Variants in ARHGAP18 observed in about 807,000 individuals in gnomAD.
ARHGAP18 encodes Rho GTPase activating protein 18.
A neutral mutation model predicts 86.2 loss-of-function variants in ARHGAP18; 67 were observed. That is an observed-to-expected ratio of 0.78 (90% CI 0.64 to 0.95). The LOEUF is 0.95. Among genes scored for constraint, ARHGAP18 ranks in the 40% least tolerant of loss-of-function variants. The pLI is 0.00. For missense variants in ARHGAP18, 691 were observed against 780.4 expected (o/e 0.89, Z 1.37); for synonymous variants, 283 against 280.4 (o/e 1.01, Z -0.09).
chr6:129,638,431 C>G lies in ARHGAP18; in HGVS notation c.515G>C (p.Arg172Thr). 2 of 1,614,172 alleles carry G rather than the reference C, an allele frequency of 1.2e-6. No individual in the cohort carries two copies. Among genetic ancestry groups the G allele is most frequent in the Non-Finnish European group, 1.7e-6 (2 of 1,180,018 alleles). ...KNKQYQIPDV[R>T]DIFAQQRESK... ...TTCTCTCTGTTGAGCAAATATGTCT[C>G]TGACGTCAGGAATCTGGTACTGTTT... Residue 172 changes from arginine to threonine, a missense_variant, in exon 3 of 15, where the codon AGA (arginine) becomes ACA (threonine). Arg to Thr is a moderately conservative substitution (Grantham distance 71). Transcript: ENST00000368149.
chr6:129,632,655 T>C (rs1773242993), intron 4 of ARHGAP18, among the ~76,000 whole-genome samples: 1 of 152,146 alleles, frequency 6.6e-6, no homozygotes, highest in African/African-American at 2.4e-5. Context: ...AGAAAACACC[T>C]AGTGATTTCA....
chr6:129,648,733 G>GA (rs139629350), intron 1 of ARHGAP18, among the ~76,000 whole-genome samples: 13 of 150,864 alleles, frequency 8.6e-5, no homozygotes, highest in African/African-American at 1.9e-4. Context: ...CTCTATGTTA[G>GA]AAAAAAAAAG....
rs1584128450 is a variant in ARHGAP18 at position 129,709,954 on chromosome 6, A to G, written c.113+70T>C. The stretch of plus-strand genomic sequence containing the variant: ...ATGGAATTCCCTTCTCCCCACGCCA[A>G]CTTCCCTGTCACTTTCTTCCTGGAG... On this transcript the variant is annotated intron_variant, in intron 1 of 14. Transcript: ENST00000368149. The G allele has an allele frequency of 6.2e-6, 8 of 1,296,518 alleles. No individual in the cohort carries two copies. In the East Asian group the frequency reaches 1.6e-4, roughly 26 times the overall value. The allele number at this position is 1,296,518 out of a possible 1,614,324, so 80.3% of individuals were successfully genotyped here. A position where few individuals can be genotyped will look rare whatever the true frequency, so the allele number is the denominator to read the frequency against.
At chr6:129,692,923 T>C (rs1029070254) in intron 1 of ARHGAP18, among the ~76,000 whole-genome samples, 2 of 152,210 alleles carry the variant, frequency 1.3e-5, no homozygotes, top group African/African-American at 4.8e-5. Flanking sequence ...GTATATTCTC[T>C]CCCACCAGCC....
At chr6:129,653,397 T>C (rs1036828422) in intron 1 of ARHGAP18, among the ~76,000 whole-genome samples, 1 of 152,154 alleles carries the variant, frequency 6.6e-6, no homozygotes, top group Non-Finnish European at 1.5e-5. Flanking sequence ...ATTTTATGAG[T>C]AGCTCAAAAT....
chr6:129,704,948 G>C (rs1774779049), intron 1 of ARHGAP18, among the ~76,000 whole-genome samples: 2 of 152,000 alleles, frequency 1.3e-5, no homozygotes. Flanking sequence ...TTGCTCTCTG[G>C]GTGCTTGGTT....
chr6:129,604,202 TCC>T lies in ARHGAP18; in HGVS notation c.1365+1673_1365+1674del, dbSNP rs58339587. Reference sequence around the variant, plus strand: ...TCCAGTTTTTTACCAAAAATAGTACTCCCCCCCCCCTTAATTATAAAATTATC... The same window carrying T: ...TCCAGTTTTTTACCAAAAATAGTACTCCCCCCCCTTAATTATAAAATTATC... On this transcript the variant is annotated intron_variant, in intron 10 of 14. Coordinates refer to ENST00000368149, the MANE Select transcript of ARHGAP18 (RefSeq NM_033515.3). Among the ~76,000 whole-genome samples the T allele has an allele frequency of 2.8e-3, 416 of 146,712 alleles. 1 individual carries two copies. Among genetic ancestry groups the T allele is most frequent in the African/African-American group, 7.1e-3 (285 of 40,190 alleles).
chr6:129,608,615 C>T (rs973566034), intron 8 of ARHGAP18, among the ~76,000 whole-genome samples: 1 of 152,122 alleles, frequency 6.6e-6, no homozygotes, highest in Non-Finnish European at 1.5e-5. Context: ...CTGCTGCCAG[C>T]TGCAAAAAAC....
intron 5 of ARHGAP18, among the ~76,000 whole-genome samples, chr6:129,627,625 T>G (rs867492633): frequency 2.0e-4 from 28 of 142,800 alleles, no homozygotes; most frequent in Middle Eastern, 3.5e-3. Flanking sequence ...GAAGGAAAAA[T>G]AGAGAGAGGA....
chr6:129,626,061 C>CAT (rs1251179577), intron 5 of ARHGAP18, among the ~76,000 whole-genome samples: 3 of 67,624 alleles, frequency 4.4e-5, no homozygotes, highest in East Asian at 3.6e-4. Context: ...TATATATACA[C>CAT]ATATACACAC....
chr6:129,710,172 A>G lies in ARHGAP18; in HGVS notation c.-36T>C. On this transcript the variant is annotated 5_prime_UTR_variant, in exon 1 of 15. Transcript: ENST00000368149. Reference sequence around the variant, plus strand: ...GGGACATACTTTCTGCGATCCTGACACAGAGAAGGGGAAAGAAGTTCCTGT... The same window carrying G: ...GGGACATACTTTCTGCGATCCTGACGCAGAGAAGGGGAAAGAAGTTCCTGT... The G allele has an allele frequency of 7.2e-6, 11 of 1,522,026 alleles. No homozygotes were observed. Among genetic ancestry groups the G allele is most frequent in the Non-Finnish European group, 1.0e-5 (11 of 1,099,404 alleles). The allele number at this position is 1,522,026 out of a possible 1,614,324, so 94.3% of individuals were successfully genotyped here. A position where few individuals can be genotyped will look rare whatever the true frequency, so the allele number is the denominator to read the frequency against.
intron 2 of ARHGAP18, among the ~76,000 whole-genome samples, chr6:129,640,959 A>G (rs1335467914): frequency 2.6e-5 from 4 of 152,242 alleles, no homozygotes; most frequent in Non-Finnish European, 5.9e-5. Flanking sequence ...AAAGTTTTAC[A>G]TGTTTCTCCC....
intron 4 of ARHGAP18, 31 bp from the exon 5 acceptor site, chr6:129,629,553 A>G: frequency 6.4e-7 from 1 of 1,571,934 alleles, no homozygotes; most frequent in Non-Finnish European, 8.6e-7. Flanking sequence ...AACCCAATTC[A>G]TATGCTTTAT....
intron 2 of ARHGAP18, among the ~76,000 whole-genome samples, chr6:129,640,052 A>C (rs945231271): frequency 2.0e-5 from 3 of 151,022 alleles, no homozygotes; most frequent in Non-Finnish European, 4.4e-5. Context: ...CAAAAAAAAA[A>C]AAAAAAAAAA....
chr6:129,680,610 TA>T (rs1000288545), intron 1 of ARHGAP18, among the ~76,000 whole-genome samples: 1 of 152,182 alleles, frequency 6.6e-6, no homozygotes, highest in Non-Finnish European at 1.5e-5. Flanking sequence ...AGCAGCCCCC[TA>T]CACAGGGCCA....
At chr6:129,661,405 A>G (rs1773948814) in intron 1 of ARHGAP18, among the ~76,000 whole-genome samples, 1 of 151,842 alleles carries the variant, frequency 6.6e-6, no homozygotes, top group South Asian at 2.1e-4. Flanking sequence ...ATGAATATAA[A>G]AATATTAACA....
intron 5 of ARHGAP18, among the ~76,000 whole-genome samples, chr6:129,620,537 AGTGT>A (rs1789205709): frequency 6.6e-6 from 1 of 152,274 alleles, no homozygotes; most frequent in Admixed American, 6.5e-5. Context: ...AAATTTCACT[AGTGT>A]GTACATTTAA....
chr6:129,680,417 G>A (rs2114536483), intron 1 of ARHGAP18, among the ~76,000 whole-genome samples: 1 of 152,260 alleles, frequency 6.6e-6, no homozygotes, highest in Non-Finnish European at 1.5e-5. Flanking sequence ...AAATTATACT[G>A]GGAAGTACCA....
chr6:129,649,478 C>T (rs1422377899), intron 1 of ARHGAP18, among the ~76,000 whole-genome samples: 3 of 140,702 alleles, frequency 2.1e-5, no homozygotes, highest in South Asian at 4.5e-4. Context: ...TGCTGGAACC[C>T]GGGAGGCAGA....
Sources: gnomAD v4.1 joint callset for allele counts (sites outside exome capture counted in the v4.1 genomes callset) on GRCh38, gnomAD v4.1.1 for gene constraint, MANE v1.5 for transcripts, NCBI Gene and HGNC (gene_info 2026-07-23, HGNC 2026-07-21) for gene names.